Variants in ROS1 observed in about 807,000 individuals in gnomAD.
ROS1 encodes ROS proto-oncogene 1, receptor tyrosine kinase.
Under a neutral mutation model 273.5 loss-of-function variants are expected in ROS1, and 263 were observed. The ratio of observed to expected loss-of-function variants is 0.96; its 90% CI spans 0.87 to 1.06. The LOEUF (loss-of-function observed/expected upper bound fraction) is 1.06, where lower values mean the gene tolerates loss of function less well. Among genes scored for constraint, ROS1 ranks in the 50% least tolerant of loss-of-function variants. The pLI, the probability that ROS1 is intolerant of heterozygous loss-of-function variation, is 0.00. For synonymous variants in ROS1, 1,008 were observed against 954.1 expected (o/e 1.06, Z -1.04); for missense variants, 2,833 against 2,751.1 (o/e 1.03, Z -0.67).
chr6:117,408,506 A>G (rs1442077537), intron 5 of ROS1, among the ~76,000 whole-genome samples: 1 of 152,224 alleles, frequency 6.6e-6, no homozygotes, highest in East Asian at 1.9e-4. Flanking sequence ...AATCAAAACC[A>G]CAATGAGATA....
intron 17 of ROS1, among the ~76,000 whole-genome samples, chr6:117,382,442 G>GA (rs1191497843): frequency 6.6e-6 from 1 of 151,838 alleles, no homozygotes; most frequent in Non-Finnish European, 1.5e-5. Context: ...TATCTCTGCA[G>GA]AAAAAAATGA....
chr6:117,313,899 G>C (rs912367405), intron 39 of ROS1, among the ~76,000 whole-genome samples: 1 of 152,028 alleles, frequency 6.6e-6, no homozygotes, highest in African/African-American at 2.4e-5. Flanking sequence ...AGCACCTAAC[G>C]ATGTCTCTAT....
chr6:117,310,457 T>C (rs1775454420), intron 40 of ROS1, among the ~76,000 whole-genome samples, 176 bp from the exon 41 acceptor site: 1 of 151,824 alleles, frequency 6.6e-6, no homozygotes, highest in Admixed American at 6.6e-5. Flanking sequence ...ACATGTGCCA[T>C]GGTGGTTTGC....
At position 117,373,863 on chromosome 6, in the gene ROS1, A is replaced by T. The variant is rs536000225; in HGVS notation, c.2582+5196T>A. ...TCAGCACTGCTATATACCAACAGCGACCAAGCTGAGAATCAAATCAATAAT... is the reference window on the plus strand; with the variant it reads ...TCAGCACTGCTATATACCAACAGCGTCCAAGCTGAGAATCAAATCAATAAT... On this transcript the variant is annotated intron_variant, in intron 18 of 43. Transcript: ENST00000368507. Among the ~76,000 whole-genome samples the T allele has an allele frequency of 3.3e-4, 50 of 152,376 alleles. 2 individuals carry two copies. The South Asian group carries it at 9.3e-3, about 28-fold the overall frequency.
chr6:117,336,467 C>G (rs1345988670), intron 32 of ROS1, among the ~76,000 whole-genome samples: 2 of 152,142 alleles, frequency 1.3e-5, no homozygotes, highest in Non-Finnish European at 2.9e-5. Flanking sequence ...TTAATAGCTT[C>G]CAGCTTCATC....
intron 4 of ROS1, among the ~76,000 whole-genome samples, chr6:117,414,109 G>A (rs1382155699): frequency 3.3e-5 from 5 of 152,156 alleles, no homozygotes; most frequent in Non-Finnish European, 5.9e-5. Flanking sequence ...TATATTTAAT[G>A]ATAGAGCACT....
At chr6:117,313,241 C>T (rs890808748) in intron 39 of ROS1, among the ~76,000 whole-genome samples, 6 of 152,028 alleles carry the variant, frequency 3.9e-5, no homozygotes, top group Non-Finnish European at 5.9e-5. Flanking sequence ...TTGTTTGTTT[C>T]GCTTTTTTCT....
intron 10 of ROS1, 41 bp from the exon 11 acceptor site, chr6:117,394,387 A>T (rs756705324): frequency 7.5e-5 from 104 of 1,394,430 alleles, no homozygotes; most frequent in Non-Finnish European, 9.5e-5. Context: ...ATTATATAAC[A>T]ACCAGGACAA....
chr6:117,373,013 T>C (rs893346207), intron 18 of ROS1, among the ~76,000 whole-genome samples: 3 of 152,190 alleles, frequency 2.0e-5, no homozygotes, highest in Non-Finnish European at 4.4e-5. Flanking sequence ...ATACCTGAGC[T>C]AAACACAGAG....
At chr6:117,297,868 A>G (rs1344489181) in intron 43 of ROS1, among the ~76,000 whole-genome samples, 40 of 152,188 alleles carry the variant, frequency 2.6e-4, no homozygotes, top group Admixed American at 2.6e-3. Context: ...TTCCATTACT[A>G]GGTATCTATC....
chr6:117,400,819 A>G (rs902173210), intron 7 of ROS1, among the ~76,000 whole-genome samples: 54 of 152,130 alleles, frequency 3.5e-4, no homozygotes, highest in Admixed American at 1.8e-3. Flanking sequence ...CTCCAGGCCC[A>G]TGGCTTGAAT....
chr6:117,360,232 T>C (rs1693139560), intron 23 of ROS1, 110 bp downstream of exon 23: 1 of 899,146 alleles, frequency 1.1e-6, no homozygotes, highest in African/African-American at 1.7e-5. Flanking sequence ...ACCTAAACTT[T>C]AGCAAAGAGA....
intron 1 of ROS1, among the ~76,000 whole-genome samples, chr6:117,420,720 G>A (rs144282345): frequency 2.1e-3 from 320 of 151,840 alleles, no homozygotes; most frequent in African/African-American, 7.4e-3. Context: ...CTTAGTGGTC[G>A]TATCCGGGAC....
intron 18 of ROS1, among the ~76,000 whole-genome samples, chr6:117,373,435 G>C (rs1180078980): frequency 2.6e-5 from 4 of 152,248 alleles, no homozygotes; most frequent in Non-Finnish European, 5.9e-5. Context: ...GCCCCGCAGG[G>C]AGGCGCTGAG....
At chr6:117,294,338 G>A (rs1278242504) in intron 43 of ROS1, among the ~76,000 whole-genome samples, 2 of 152,012 alleles carry the variant, frequency 1.3e-5, no homozygotes, top group Non-Finnish European at 2.9e-5. Flanking sequence ...AAAATAAAAA[G>A]GCATCTCATA....
chr6:117,385,081 T>A (rs1420175222), intron 16 of ROS1, among the ~76,000 whole-genome samples: 1 of 152,192 alleles, frequency 6.6e-6, no homozygotes, highest in Non-Finnish European at 1.5e-5. Context: ...GTGCACACCT[T>A]TGAAAATAGT....
At chr6:117,373,265 C>A (rs1386788921) in intron 18 of ROS1, among the ~76,000 whole-genome samples, 3 of 152,244 alleles carry the variant, frequency 2.0e-5, no homozygotes, top group Admixed American at 2.0e-4. Flanking sequence ...GTGGAGCTGC[C>A]CGCCAGTCCT....
chr6:117,315,963 A>G (rs1401430150), intron 39 of ROS1, among the ~76,000 whole-genome samples: 1 of 152,178 alleles, frequency 6.6e-6, no homozygotes, highest in African/African-American at 2.4e-5. Context: ...AAAACAAGAG[A>G]TATTTATTAA....
At chr6:117,316,276 C>T (rs1022305667) in intron 39 of ROS1, among the ~76,000 whole-genome samples, 8 of 136,946 alleles carry the variant, frequency 5.8e-5, no homozygotes, top group East Asian at 2.1e-4. Flanking sequence ...AGGAACTTGG[C>T]GGTAAATACC....
Sources: gnomAD v4.1 joint callset for allele counts (sites outside exome capture counted in the v4.1 genomes callset) on GRCh38, gnomAD v4.1.1 for gene constraint, MANE v1.5 for transcripts, NCBI Gene and HGNC (gene_info 2026-07-23, HGNC 2026-07-21) for gene names.